The following DLGAP1 variants were observed in gnomAD, a reference collection of about 807,000 sequenced individuals.
DLGAP1 encodes disks large-associated protein 1.
Under a neutral mutation model 90.8 loss-of-function variants are expected in DLGAP1, and 11 were observed. The observed-to-expected ratio is 0.12, with a 90% confidence interval of 0.08 to 0.20. The LOEUF (loss-of-function observed/expected upper bound fraction) is 0.20. Ranked by LOEUF, DLGAP1 falls within the 10% of genes least tolerant of loss-of-function variation. The probability of loss-of-function intolerance (pLI) is 1.00; values close to 1 mark genes in which losing one functional copy is unlikely to be tolerated. For missense variants in DLGAP1, 1,050 were observed against 1,333.8 expected (o/e 0.79, Z 3.31); for synonymous variants, 558 against 540.7 (o/e 1.03, Z -0.44).
chr18:4,108,539 T>TAAAA (rs5822792), intron 2 of DLGAP1, among the ~76,000 whole-genome samples: 14 of 149,580 alleles, frequency 9.4e-5, no homozygotes, highest in Admixed American at 2.7e-4. Flanking sequence ...TATTACACAA[T>TAAAA]AAAAAAAAAA....
chr18:4,020,167 C>T lies in DLGAP1; in HGVS notation c.-158-14966G>A, dbSNP rs544554730. On this transcript the variant is annotated intron_variant, in intron 2 of 12. Coordinates refer to ENST00000315677, the MANE Select transcript of DLGAP1 (RefSeq NM_004746.4). Reference sequence around the variant, plus strand: ...TAGACTGTAAATGTTTCTCACCAGACTTAAGGTCTGTGTTGATGTTAATGC... The same window carrying T: ...TAGACTGTAAATGTTTCTCACCAGATTTAAGGTCTGTGTTGATGTTAATGC... 2.6e-5 allele frequency among the ~76,000 whole-genome samples: 4 copies of T among 152,234 alleles called. No individual in the cohort carries two copies. In the South Asian group the frequency reaches 8.3e-4, roughly 32 times the overall value.
rs541344242 is a variant in DLGAP1 at position 4,202,132 on chromosome 18, T to A, written c.-266-50845A>T. Among the ~76,000 whole-genome samples, 95 of 151,878 alleles carry A rather than the reference T, an allele frequency of 6.3e-4. 1 individual carries two copies. Among genetic ancestry groups the A allele is most frequent in the Non-Finnish European group, 1.3e-3 (85 of 67,878 alleles). On this transcript the variant is annotated intron_variant, in intron 1 of 12. Transcript: ENST00000315677. ...TGTGGTGTGTGCGTGTGTGTGTGTA[T>A]ACATACGCACACACACACACACCAT...
chr18:3,524,348 T>TA (rs1381807085), intron 10 of DLGAP1, among the ~76,000 whole-genome samples: 4 of 151,976 alleles, frequency 2.6e-5, no homozygotes, highest in Admixed American at 6.6e-5. Context: ...TATTCAGCCC[T>TA]AAAAAAGAAG....
chr18:4,090,207 A>G (rs542841720), intron 2 of DLGAP1, among the ~76,000 whole-genome samples: 1 of 152,308 alleles, frequency 6.6e-6, no homozygotes, highest in African/African-American at 2.4e-5. Flanking sequence ...CATGACAAAA[A>G]CATCAAAAGC....
chr18:4,379,619 C>T (rs586451), intron 1 of DLGAP1, among the ~76,000 whole-genome samples: 152,272 of 152,282 alleles, frequency 1, 76,131 homozygotes, highest in Non-Finnish European at 1. Flanking sequence ...GCAACTTTCA[C>T]TTGTGAAACA....
chr18:3,989,924 C>T (rs2073926508), intron 3 of DLGAP1, among the ~76,000 whole-genome samples: 1 of 152,100 alleles, frequency 6.6e-6, no homozygotes, highest in African/African-American at 2.4e-5. Context: ...AAATCAAAAC[C>T]ACAATGAGAT....
chr18:4,042,788 T>C (rs770066009), intron 2 of DLGAP1, among the ~76,000 whole-genome samples: 9 of 152,148 alleles, frequency 5.9e-5, no homozygotes, highest in Non-Finnish European at 1.2e-4. Flanking sequence ...AAAATTATGG[T>C]TCATAGCAAC....
At position 4,370,192 on chromosome 18, in the gene DLGAP1, C is replaced by A. The variant is rs1306303330; in HGVS notation, c.-267+84814G>T. The stretch of plus-strand genomic sequence containing the variant: ...TTTAGAATTGGATGAGAGGGAGAAG[C>A]AATATGAAGAAAAATCCAAAGATTT... On this transcript the variant is annotated intron_variant, in intron 1 of 12. Transcript: ENST00000315677. Among the ~76,000 whole-genome samples, 3 of 152,002 alleles carry A rather than the reference C, an allele frequency of 2.0e-5. No individual in the cohort carries two copies. The East Asian group carries it at 5.8e-4, about 29-fold the overall frequency.
intron 1 of DLGAP1, among the ~76,000 whole-genome samples, chr18:4,283,948 G>A (rs1376019791): frequency 6.6e-6 from 1 of 152,038 alleles, no homozygotes; most frequent in Admixed American, 6.6e-5. Flanking sequence ...AAAAGACAAG[G>A]GCTTGCAGGC....
chr18:4,251,261 T>G (rs2078773447), intron 1 of DLGAP1, among the ~76,000 whole-genome samples: 1 of 152,208 alleles, frequency 6.6e-6, no homozygotes, highest in Admixed American at 6.5e-5. Flanking sequence ...GCTTTTCTCT[T>G]AAGAAAGTTT....
intron 3 of DLGAP1, among the ~76,000 whole-genome samples, chr18:3,976,227 T>TAA (rs1238309441): frequency 0.066 from 9,233 of 140,048 alleles, 543 homozygotes; most frequent in African/African-American, 0.16. Flanking sequence ...ATAACGATAA[T>TAA]TAGCCAGGTG....
chr18:4,401,720 T>C (rs1442114097), intron 1 of DLGAP1, among the ~76,000 whole-genome samples: 1 of 152,198 alleles, frequency 6.6e-6, no homozygotes, highest in Non-Finnish European at 1.5e-5. Context: ...ATGACAAATC[T>C]AATTATTTAA....
chr18:3,516,734 C>T (rs932511874), intron 10 of DLGAP1, among the ~76,000 whole-genome samples: 6 of 152,246 alleles, frequency 3.9e-5, no homozygotes, highest in South Asian at 4.2e-4. Context: ...AAAGGGGAAA[C>T]GCCTTATAAA....
At chr18:4,122,176 C>T (rs996957605) in intron 2 of DLGAP1, among the ~76,000 whole-genome samples, 5 of 152,118 alleles carry the variant, frequency 3.3e-5, no homozygotes, top group African/African-American at 1.2e-4. Flanking sequence ...GAGAAAGTTG[C>T]ATAGACACAA....
chr18:4,218,054 A>G (rs2077994505), intron 1 of DLGAP1, among the ~76,000 whole-genome samples: 1 of 151,272 alleles, frequency 6.6e-6, no homozygotes, highest in Admixed American at 6.6e-5. Context: ...TGCAATTTAC[A>G]TGTCTGTCTA....
chr18:4,042,940 G>A, intron 2 of DLGAP1, among the ~76,000 whole-genome samples: 1 of 152,212 alleles, frequency 6.6e-6, no homozygotes, highest in South Asian at 2.1e-4. Flanking sequence ...GCAGAACATA[G>A]GATAATTTTT....
intron 11 of DLGAP1, 29 bp downstream of exon 11, chr18:3,508,541 G>A (rs772959321): frequency 3.2e-6 from 5 of 1,544,846 alleles, no homozygotes; most frequent in East Asian, 2.3e-5. Flanking sequence ...GCACTAGCAG[G>A]GAAATTGTAG....
chr18:3,765,660 C>T (rs915364762), intron 5 of DLGAP1, among the ~76,000 whole-genome samples: 3 of 151,658 alleles, frequency 2.0e-5, no homozygotes, highest in Admixed American at 6.6e-5. Context: ...ATGGTGAACC[C>T]CGTCTCTATT....
At chr18:4,305,306 G>T in intron 1 of DLGAP1, among the ~76,000 whole-genome samples, 1 of 152,120 alleles carries the variant, frequency 6.6e-6, no homozygotes, top group South Asian at 2.1e-4. Flanking sequence ...AGGCGGAGGC[G>T]GGTGGATCAC....
Sources: gnomAD v4.1 joint callset for allele counts (sites outside exome capture counted in the v4.1 genomes callset) on GRCh38, gnomAD v4.1.1 for gene constraint, MANE v1.5 for transcripts, NCBI Gene and HGNC (gene_info 2026-07-23, HGNC 2026-07-21) for gene names.